The following TPH2 variants were observed in gnomAD, a reference collection of about 807,000 sequenced individuals.
TPH2 encodes tryptophan 5-hydroxylase 2.
TPH2 carries 27 observed loss-of-function variants against 59.1 expected under a neutral mutation model. The ratio of observed to expected loss-of-function variants is 0.46; its 90% CI spans 0.34 to 0.63. TPH2 has a LOEUF of 0.63. TPH2 is among the 30% of genes least tolerant of loss of function. The pLI is 0.01. For synonymous variants in TPH2, 220 were observed against 210.5 expected (o/e 1.05, Z -0.39); for missense variants, 523 against 588.3 (o/e 0.89, Z 1.15).
At chr12:71,981,507 C>G (rs1872276560) in intron 7 of TPH2, among the ~76,000 whole-genome samples, 1 of 152,064 alleles carries the variant, frequency 6.6e-6, no homozygotes, top group Admixed American at 6.5e-5. Flanking sequence ...AGGTGTGGAG[C>G]TAGATGAGGT....
chr12:71,940,588 G>A (rs1378415014), intron 1 of TPH2, among the ~76,000 whole-genome samples: 1 of 152,138 alleles, frequency 6.6e-6, no homozygotes, highest in African/African-American at 2.4e-5. Context: ...TGCTGTATTT[G>A]CATATAAAGA....
At chr12:71,968,539 C>T (rs2139200555) in intron 5 of TPH2, among the ~76,000 whole-genome samples, 1 of 152,364 alleles carries the variant, frequency 6.6e-6, no homozygotes, top group South Asian at 2.1e-4. Context: ...CTGTCGGTCC[C>T]CTGCTCTGAA....
intron 8 of TPH2, among the ~76,000 whole-genome samples, chr12:72,006,125 A>G (rs1872947575): frequency 6.6e-6 from 1 of 152,160 alleles, no homozygotes; most frequent in African/African-American, 2.4e-5. Flanking sequence ...GTAAGGCAGT[A>G]TAGTATAGTG....
At chr12:72,008,538 C>G (rs752161531) in intron 8 of TPH2, among the ~76,000 whole-genome samples, 1 of 152,168 alleles carries the variant, frequency 6.6e-6, no homozygotes, top group Non-Finnish European at 1.5e-5. Context: ...TCAAGGGAGG[C>G]AGGACTCATA....
Position 71,978,817 on chromosome 12 carries a change from C to T in TPH2, c.806-135C>T, listed in dbSNP as rs55710493. The T allele has an allele frequency of 3.0e-4, 326 of 1,079,056 alleles. 2 individuals carry two copies. The Middle Eastern group carries it at 3.2e-3, about 11-fold the overall frequency. The allele number at this position is 1,079,056 out of a possible 1,614,324, so 66.8% of individuals were successfully genotyped here. A position where few individuals can be genotyped will look rare whatever the true frequency, so the allele number is the denominator to read the frequency against. Reference sequence around the variant, plus strand: ...CATGATAGCTGTTAACAGTATATGTCACTCAGTTGTCAAGAGGTTTATGAC... The same window carrying T: ...CATGATAGCTGTTAACAGTATATGTTACTCAGTTGTCAAGAGGTTTATGAC... On this transcript the variant is annotated intron_variant, in intron 6 of 10. Coordinates refer to ENST00000333850, the MANE Select transcript of TPH2 (RefSeq NM_173353.4).
At chr12:71,961,168 C>T (rs1284106746) in intron 5 of TPH2, among the ~76,000 whole-genome samples, 1 of 152,154 alleles carries the variant, frequency 6.6e-6, no homozygotes, top group African/African-American at 2.4e-5. Context: ...AGCTAGCCTT[C>T]CTATAGCTGA....
chr12:71,971,119 C>T (rs534823754), intron 5 of TPH2, among the ~76,000 whole-genome samples: 84 of 152,242 alleles, frequency 5.5e-4, no homozygotes, highest in African/African-American at 2.0e-3. Flanking sequence ...TTTTTCTCTA[C>T]CTCAGGGGTG....
In TPH2 at chr12:71,944,478, G is replaced by A. The variant is rs752679352; in HGVS notation, c.439+1G>A. On this transcript the variant is annotated splice_donor_variant, in intron 3 of 10. Coordinates refer to ENST00000333850, the MANE Select transcript of TPH2 (RefSeq NM_173353.4). LOFTEE classifies it high-confidence loss of function. ...GAGAACATTTGGACAGAGGAAGAAG[G>A]CAAGGGTGGTCTTAGCTTGTCGGGT... The A allele has an allele frequency of 3.7e-6, 6 of 1,613,940 alleles. No individual in the cohort carries two copies. The highest frequency in any genetic ancestry group is 5.1e-6 in the Non-Finnish European group (6 of 1,179,870).
Position 71,939,075 on chromosome 12 carries a change from T to A in TPH2, c.89T>A (p.Leu30Gln), listed in dbSNP as rs140690004. 6.2e-7 allele frequency: 1 copy of A among 1,613,894 alleles called. No homozygotes were observed. Among genetic ancestry groups the A allele is most frequent in the East Asian group, 2.2e-5 (1 of 44,888 alleles). ...LDSAVPEEHQLLGSSTLNKPN... is the reference protein window; with the variant it reads ...LDSAVPEEHQQLGSSTLNKPN... ...TCAGCAGTGCCCGAAGAGCATCAGCTACTTGGCAGCTCAACAGTGAGTACT... is the reference window on the plus strand; with the variant it reads ...TCAGCAGTGCCCGAAGAGCATCAGCAACTTGGCAGCTCAACAGTGAGTACT... The change falls in exon 1 of 11, where the codon CTA becomes CAA. Residue 30 changes from leucine to glutamine, a missense_variant. By Grantham distance (113) the Leu-to-Gln change is moderately radical. Transcript: ENST00000333850.
intron 8 of TPH2, among the ~76,000 whole-genome samples, chr12:72,017,011 A>G (rs1873273131): frequency 6.6e-6 from 1 of 152,186 alleles, no homozygotes; most frequent in Non-Finnish European, 1.5e-5. Flanking sequence ...TTTCCCATCA[A>G]GTGTTCTTTG....
chr12:71,979,953 TACAGAC>T (rs1483520846), intron 7 of TPH2, among the ~76,000 whole-genome samples: 10 of 151,250 alleles, frequency 6.6e-5, no homozygotes, highest in African/African-American at 2.4e-4. Flanking sequence ...ATGGTTAGCA[TACAGAC>T]AGACAGACAG....
Position 72,014,036 on chromosome 12 carries a change from A to C in TPH2, c.1069-8363A>C, listed in dbSNP as rs530422445. On this transcript the variant is annotated intron_variant, in intron 8 of 10. Coordinates refer to ENST00000333850, the MANE Select transcript of TPH2 (RefSeq NM_173353.4). ...AATATGAGAATAGAAATCTAGGTGT[A>C]GCTGCAGTCGTGAAAGGCATTTGGA... is the stretch of plus-strand genomic sequence containing the variant. 2.0e-4 allele frequency among the ~76,000 whole-genome samples: 31 copies of C among 152,306 alleles called. No individual in the cohort carries two copies. The South Asian group carries it at 6.0e-3, about 30-fold the overall frequency.
rs66843208 is a variant in TPH2, at chr12:71,979,953, T to TACAG, written c.941+887_941+890dup. On this transcript the variant is annotated intron_variant, in intron 7 of 10. Transcript: ENST00000333850. ...TGAATGGTGAAGACAATGGTTAGCA[T>TACAG]ACAGACAGACAGACAGACAGACAGG... Among the ~76,000 whole-genome samples, 439 of 151,240 alleles carry TACAG rather than the reference T, an allele frequency of 2.9e-3. 3 individuals are homozygous for TACAG. Among genetic ancestry groups the TACAG allele is most frequent in the African/African-American group, 9.9e-3 (409 of 41,166 alleles).
At chr12:72,026,130 A>AAG (rs1481321266) in intron 9 of TPH2, among the ~76,000 whole-genome samples, 2 of 152,126 alleles carry the variant, frequency 1.3e-5, no homozygotes, top group Non-Finnish European at 2.9e-5. Flanking sequence ...TCAAAAGCAA[A>AAG]AGGCAATTTC....
chr12:72,027,328 C>G (rs977087856), intron 9 of TPH2, among the ~76,000 whole-genome samples: 47 of 152,248 alleles, frequency 3.1e-4, no homozygotes, highest in African/African-American at 1.1e-3. Context: ...CATATGTACA[C>G]AAAGCATCAT....
At chr12:71,980,207 T>G (rs757040344) in intron 7 of TPH2, among the ~76,000 whole-genome samples, 1 of 152,170 alleles carries the variant, frequency 6.6e-6, no homozygotes, top group African/African-American at 2.4e-5. Flanking sequence ...AGCTCTGGGT[T>G]CTTTTGCCTT....
chr12:72,022,289 G>A, intron 8 of TPH2, 110 bp from the exon 9 acceptor site: 1 of 740,656 alleles, frequency 1.4e-6, no homozygotes, highest in Non-Finnish European at 2.4e-6. Flanking sequence ...TATTTAAATT[G>A]ATAATATTGA....
chr12:72,005,220 C>T (rs901194964), intron 8 of TPH2, among the ~76,000 whole-genome samples: 20 of 152,028 alleles, frequency 1.3e-4, no homozygotes, highest in African/African-American at 4.6e-4. Context: ...GAGGGGGGTG[C>T]TCATCATTTT....
intron 8 of TPH2, among the ~76,000 whole-genome samples, chr12:72,019,186 C>A (rs973917287): frequency 6.6e-6 from 1 of 152,164 alleles, no homozygotes; most frequent in African/African-American, 2.4e-5. Flanking sequence ...CTTCTCCCAA[C>A]CCCCTGCCAT....
Sources: gnomAD v4.1 joint callset for allele counts (sites outside exome capture counted in the v4.1 genomes callset) on GRCh38, gnomAD v4.1.1 for gene constraint, MANE v1.5 for transcripts, NCBI Gene and HGNC (gene_info 2026-07-23, HGNC 2026-07-21) for gene names.